Variants in METTL4 observed in about 807,000 individuals in gnomAD.
The protein encoded by METTL4 is N(6)-adenine-specific methyltransferase METTL4.
METTL4 carries 40 observed loss-of-function variants against 54.0 expected under a neutral mutation model. The observed-to-expected ratio is 0.74, with a 90% confidence interval of 0.58 to 0.96. METTL4 has a LOEUF of 0.96. Among genes scored for constraint, METTL4 ranks in the 50% least tolerant of loss-of-function variants. The probability of loss-of-function intolerance (pLI) is 0.00; values close to 1 mark genes in which losing one functional copy is unlikely to be tolerated. For missense variants in METTL4, 525 were observed against 549.0 expected (o/e 0.96, Z 0.44); for synonymous variants, 169 against 183.8 (o/e 0.92, Z 0.65).
intron 7 of METTL4, 36 bp downstream of exon 7, chr18:2,544,617 T>C (rs746501404): frequency 8.9e-6 from 11 of 1,235,642 alleles, no homozygotes; most frequent in Non-Finnish European, 1.2e-5. Context: ...TAAAAATTAA[T>C]ACATGTATAC....
At chr18:2,565,439 A>C (rs2072392588) in intron 2 of METTL4, among the ~76,000 whole-genome samples, 1 of 152,178 alleles carries the variant, frequency 6.6e-6, no homozygotes, top group South Asian at 2.1e-4. Context: ...TAATTTGTAC[A>C]ACAAAACCCC....
At chr18:2,557,248 T>G (rs1389490393) in intron 3 of METTL4, among the ~76,000 whole-genome samples, 8 of 152,072 alleles carry the variant, frequency 5.3e-5, no homozygotes, top group Admixed American at 5.2e-4. Flanking sequence ...TTTACCTATG[T>G]ACTGATCAGT....
At position 2,554,932 on chromosome 18, in the gene METTL4, A is replaced by G; in HGVS notation, c.566T>C (p.Ile189Thr). Residue 189 changes from isoleucine to threonine, a missense_variant, in exon 4 of 9, where the codon ATT becomes ACT. Transcript: ENST00000574538. ...ACTGCAGGCGTCAAGTGGTAAAGTA[A>G]TGGGCTTACTACCCTTGTCCTGTTT... ...FEKQDKGSKP[I>T]TLPLDACSLS... 1 of 1,614,136 alleles carries G rather than the reference A, an allele frequency of 6.2e-7. No homozygotes were observed. Among genetic ancestry groups the G allele is most frequent in the Non-Finnish European group, 8.5e-7 (1 of 1,179,974 alleles).
intron 3 of METTL4, among the ~76,000 whole-genome samples, chr18:2,563,117 C>T (rs1047486547): frequency 7.2e-5 from 11 of 152,134 alleles, no homozygotes; most frequent in Non-Finnish European, 1.2e-4. Context: ...TCTCATTTAT[C>T]GCTATGTTCT....
intron 3 of METTL4, chr18:2,561,772 A>C (rs935236969): frequency 6.6e-6 from 1 of 152,252 alleles, no homozygotes; most frequent in African/African-American, 2.4e-5. Flanking sequence ...TTTAGCAATT[A>C]GAATATACAT....
chr18:2,539,365 T>A (rs1295797656), intron 8 of METTL4, among the ~76,000 whole-genome samples: 5 of 152,150 alleles, frequency 3.3e-5, no homozygotes, highest in Non-Finnish European at 5.9e-5. Flanking sequence ...ACTTCCATAG[T>A]CCTGGTTTAC....
intron 1 of METTL4, chr18:2,568,963 T>G (rs2072462640): frequency 4.5e-6 from 1 of 224,102 alleles, no homozygotes; most frequent in Non-Finnish European, 9.3e-6. Flanking sequence ...ATTAATGCTA[T>G]TCTAAAGGAG....
At chr18:2,559,813 G>A (rs529364715) in intron 3 of METTL4, among the ~76,000 whole-genome samples, 2 of 152,136 alleles carry the variant, frequency 1.3e-5, no homozygotes, top group South Asian at 2.1e-4. Flanking sequence ...TCGGCTTACC[G>A]CAACCTCCAC....
intron 2 of METTL4, among the ~76,000 whole-genome samples, chr18:2,566,373 C>T (rs901847506): frequency 3.9e-5 from 6 of 152,086 alleles, no homozygotes; most frequent in Admixed American, 1.3e-4. Flanking sequence ...ACTTTTATTA[C>T]GTATCTCCAA....
At chr18:2,570,523 G>C (rs912815567) in intron 1 of METTL4, among the ~76,000 whole-genome samples, 1 of 152,170 alleles carries the variant, frequency 6.6e-6, no homozygotes, top group African/African-American at 2.4e-5. Context: ...TAGTGCTAAG[G>C]ATTTAACAAT....
chr18:2,553,491 C>T (rs143326922), intron 4 of METTL4: 1 of 152,266 alleles, frequency 6.6e-6, no homozygotes, highest in East Asian at 1.9e-4. Flanking sequence ...AAAGTGTTGT[C>T]TGCTGAGTTT....
At chr18:2,555,983 T>C (rs532415015) in intron 3 of METTL4, among the ~76,000 whole-genome samples, 4 of 152,230 alleles carry the variant, frequency 2.6e-5, no homozygotes, top group East Asian at 1.9e-4. Flanking sequence ...CAGAGTCCAA[T>C]AGTCTCTCTG....
chr18:2,555,621 T>C (rs2072227953), intron 3 of METTL4: 1 of 152,134 alleles, frequency 6.6e-6, no homozygotes, highest in Non-Finnish European at 1.5e-5. Context: ...GCTTGAATTA[T>C]AAAGAAAAAC....
chr18:2,552,791 A>G, intron 4 of METTL4, 27 bp from the exon 5 acceptor site: 1 of 1,473,630 alleles, frequency 6.8e-7, no homozygotes, highest in Non-Finnish European at 9.5e-7. Flanking sequence ...AATTTCAGAA[A>G]ATACCTTCTC....
intron 3 of METTL4, among the ~76,000 whole-genome samples, chr18:2,556,425 T>C (rs1329054286): frequency 2.0e-5 from 3 of 152,054 alleles, no homozygotes; most frequent in African/African-American, 7.2e-5. Flanking sequence ...CTCAAGAATA[T>C]TTAAACAAAT....
At chr18:2,544,486 TAAAAC>T (rs1015954341) in intron 7 of METTL4, among the ~76,000 whole-genome samples, 162 bp downstream of exon 7, 4 of 151,858 alleles carry the variant, frequency 2.6e-5, no homozygotes, top group Admixed American at 1.3e-4. Context: ...ACACACTAGA[TAAAAC>T]AAAATATAGT....
In METTL4 at chr18:2,547,351, T is replaced by C; in HGVS notation, c.1074+4A>G. 1 of 1,552,080 alleles carries C rather than the reference T, an allele frequency of 6.4e-7. No homozygotes were observed. Among genetic ancestry groups the C allele is most frequent in the Non-Finnish European group, 8.7e-7 (1 of 1,152,036 alleles). ...TTAACAAATAAGCTAACTTCTGAAC[T>C]TACTTTTACCCAGTGCCACTCAGCA... On this transcript the variant is annotated splice_donor_region_variant and intron_variant, in intron 6 of 8. Transcript: ENST00000574538.
chr18:2,557,402 C>T (rs1220763890), intron 3 of METTL4, among the ~76,000 whole-genome samples: 2 of 152,166 alleles, frequency 1.3e-5, no homozygotes, highest in Non-Finnish European at 2.9e-5. Flanking sequence ...CCTCATGATT[C>T]ACAGGGCAAC....
rs372580637 is a variant in METTL4, at chr18:2,544,491, C to A, written c.1181+162G>T. Among the ~76,000 whole-genome samples, 4 of 151,318 alleles carry A rather than the reference C, an allele frequency of 2.6e-5. No homozygotes were observed. In the East Asian group the frequency reaches 5.8e-4, roughly 22 times the overall value. Reference sequence around the variant, plus strand: ...AATGACAATTACACACTAGATAAAACAAAATATAGTTTCCTGTGCCATACC... The same window carrying A: ...AATGACAATTACACACTAGATAAAAAAAAATATAGTTTCCTGTGCCATACC... On this transcript the variant is annotated intron_variant, in intron 7 of 8. Coordinates refer to ENST00000574538, the MANE Select transcript of METTL4 (RefSeq NM_022840.5).
Sources: gnomAD v4.1 joint callset for allele counts (sites outside exome capture counted in the v4.1 genomes callset) on GRCh38, gnomAD v4.1.1 for gene constraint, MANE v1.5 for transcripts, NCBI Gene and HGNC (gene_info 2026-07-23, HGNC 2026-07-21) for gene names.